SIDT2: variants seen among roughly 807,000 people sequenced by gnomAD.
SIDT2 encodes the protein SID1 transmembrane family, member 2.
Under a neutral mutation model 114.4 loss-of-function variants are expected in SIDT2, and 68 were observed. That is an observed-to-expected ratio of 0.59 (90% CI 0.49 to 0.73). SIDT2 has a LOEUF of 0.73. Among genes scored for constraint, SIDT2 ranks in the 30% least tolerant of loss-of-function variants. The probability of loss-of-function intolerance (pLI) is 0.00; values close to 1 mark genes in which losing one functional copy is unlikely to be tolerated. For synonymous variants in SIDT2, 470 were observed against 438.4 expected, an observed-to-expected ratio of 1.07 and a Z score of -0.90; for missense variants, 918 against 1,097.1, an observed-to-expected ratio of 0.84 and a Z score of 2.31.
In SIDT2 at chr11:117,188,731, A is replaced by T; in HGVS notation, c.1183A>T (p.Thr395Ser). 2 of 1,614,064 alleles carry T rather than the reference A, an allele frequency of 1.2e-6. No individual in the cohort carries two copies. The highest frequency in any genetic ancestry group is 1.7e-6 in the Non-Finnish European group (2 of 1,179,972). ...AGGCCGCTCCTTTGAACCTGTAGGT[A>T]CTCGGCCCCGAGTGGACTCCATGAG... ...YQGRSFEPVG[T>S]RPRVDSMSSV... is the part of the protein sequence containing the mutation. Residue 395 changes from threonine to serine, a missense_variant, in exon 13 of 26, where the codon ACT becomes TCT. Coordinates refer to ENST00000324225, the MANE Select transcript of SIDT2 (RefSeq NM_001040455.2). This position sits in a 1 kb window ranked among gnomAD's most constrained non-coding sequence, Gnocchi z 4.0.
chr11:117,182,357 A>T, intron 4 of SIDT2, 162 bp from the exon 5 acceptor site: 1 of 728,524 alleles, frequency 1.4e-6, no homozygotes, highest in Non-Finnish European at 2.3e-6. Flanking sequence ...TGGTATACAG[A>T]GAAAGGGGCT....
Position 117,179,235 on chromosome 11 carries a change from A to ACCGCTGCCACTG in SIDT2, c.-24_-13dup. Reference sequence around the variant, plus strand: ...TCCTGTCGCCGCCGCCGCCGCCACCACCGCTGCCACTGCCGCCCTGCCGGG... The same window carrying ACCGCTGCCACTG: ...TCCTGTCGCCGCCGCCGCCGCCACCACCGCTGCCACTGCCGCTGCCACTGCCGCCCTGCCGGG... On this transcript the variant is annotated 5_prime_UTR_variant, in exon 1 of 26. Coordinates refer to ENST00000324225, the MANE Select transcript of SIDT2 (RefSeq NM_001040455.2). 6.3e-7 allele frequency: 1 copy of ACCGCTGCCACTG among 1,596,870 alleles called. No homozygotes were observed.
intron 1 of SIDT2, among the ~76,000 whole-genome samples, chr11:117,180,618 C>T (rs1254595493): frequency 1.3e-5 from 2 of 148,666 alleles, no homozygotes; most frequent in African/African-American, 5.0e-5. Context: ...TCACTGCAAC[C>T]TCCGCCTTCC....
At chr11:117,193,022 G>T in intron 22 of SIDT2, 131 bp from the exon 23 acceptor site, 3 of 1,321,760 alleles carry the variant, frequency 2.3e-6, no homozygotes, top group Non-Finnish European at 3.3e-6. Context: ...CTTGGCATCT[G>T]GGCTTCTAGA....
rs773604740 is a variant in SIDT2, at chr11:117,182,509, G to A, written c.517-10G>A. On this transcript the variant is annotated splice_polypyrimidine_tract_variant and intron_variant, in intron 4 of 25. Coordinates refer to ENST00000324225, the MANE Select transcript of SIDT2 (RefSeq NM_001040455.2). ...GAGATGGGGCTCTCCCTTCCTTCCTGCACCCTCAGTACTTCAAGTATGAGT... is the reference window on the plus strand; with the variant it reads ...GAGATGGGGCTCTCCCTTCCTTCCTACACCCTCAGTACTTCAAGTATGAGT... 122 of 1,612,618 alleles carry A rather than the reference G, an allele frequency of 7.6e-5. 3 individuals carry two copies. In the East Asian group the frequency reaches 2.7e-3, roughly 36 times the overall value.
chr11:117,183,122 T>C (rs752136064), intron 6 of SIDT2, among the ~76,000 whole-genome samples: 4 of 152,146 alleles, frequency 2.6e-5, no homozygotes, highest in Non-Finnish European at 5.9e-5. Context: ...GGTGGGCGGA[T>C]CACCTGAGAT....
chr11:117,190,287 C>A lies in SIDT2; in HGVS notation c.1615C>A (p.Leu539Met). The change falls in exon 17 of 26, where the codon CTG (leucine) becomes ATG (methionine). Residue 539 changes from leucine (L) to methionine (M), a missense_variant and splice_region_variant. Physicochemically the swap from Leu to Met is conservative, Grantham distance 15. Coordinates refer to ENST00000324225, the MANE Select transcript of SIDT2 (RefSeq NM_001040455.2). The surrounding 1 kb of genome is among the most constrained non-coding windows in gnomAD (Gnocchi z 4.1). ...RALLRNDLCA[L>M]ECGIPKHFGL... ...CCTGCTGCGCAATGACCTCTGTGCC[C>A]TGGTAAGGGAGCACCTGCCTGCCTG... 1 of 1,531,612 alleles carries A rather than the reference C, an allele frequency of 6.5e-7. No homozygotes were observed. The highest frequency in any genetic ancestry group is 8.8e-7 in the Non-Finnish European group (1 of 1,141,148). 94.9% of individuals were successfully genotyped at this position (1,531,612 alleles called of 1,614,324 possible). A position where few individuals can be genotyped will look rare whatever the true frequency, so the allele number is the denominator to read the frequency against.
At position 117,186,338 on chromosome 11, in the gene SIDT2, T is replaced by C. The variant is rs551920204; in HGVS notation, c.962+115T>C. On this transcript the variant is annotated intron_variant, in intron 9 of 25. Transcript: ENST00000324225. ...GGTAATCTACACCATCCATAGCAGA[T>C]GATGGTGGGGCTGTTAGAGTCTGTG... 3 of 948,484 alleles carry C rather than the reference T, an allele frequency of 3.2e-6. No individual in the cohort carries two copies. In the South Asian group the frequency reaches 4.2e-5, roughly 13 times the overall value. 58.8% of individuals were successfully genotyped at this position (948,484 alleles called of 1,614,324 possible). A position where few individuals can be genotyped will look rare whatever the true frequency, so the allele number is the denominator to read the frequency against.
chr11:117,187,616 C>A lies in SIDT2; in HGVS notation c.1088-12C>A. On this transcript the variant is annotated splice_polypyrimidine_tract_variant and intron_variant, in intron 11 of 25. Coordinates refer to ENST00000324225, the MANE Select transcript of SIDT2 (RefSeq NM_001040455.2). Reference sequence around the variant, plus strand: ...CTCTCCTTCCTGCCTCACCACTGATCGTTCCCCACAGAGAATGTTTCTGGA... The same window carrying A: ...CTCTCCTTCCTGCCTCACCACTGATAGTTCCCCACAGAGAATGTTTCTGGA... 6.2e-7 allele frequency: 1 copy of A among 1,614,054 alleles called. No individual in the cohort carries two copies. Among genetic ancestry groups the A allele is most frequent in the Non-Finnish European group, 8.5e-7 (1 of 1,179,938 alleles).
In SIDT2 at chr11:117,188,615, T is replaced by A. The variant is rs1012210206; in HGVS notation, c.1160-93T>A. The A allele has an allele frequency of 2.6e-5, 26 of 993,416 alleles. No individual in the cohort carries two copies. The East Asian group carries it at 6.4e-4, about 24-fold the overall frequency. 61.5% of individuals were successfully genotyped at this position (993,416 alleles called of 1,614,324 possible). On this transcript the variant is annotated intron_variant, in intron 12 of 25. Transcript: ENST00000324225. The surrounding 1 kb of genome is among the most constrained non-coding windows in gnomAD (Gnocchi z 4.0). Reference sequence around the variant, plus strand: ...AGCCCACAATTTGCCTCTTCCCTACTGCCTAATAATTGTTACAATTGCCTC... The same window carrying A: ...AGCCCACAATTTGCCTCTTCCCTACAGCCTAATAATTGTTACAATTGCCTC...
rs1057092796 is a variant in SIDT2 at position 117,194,616 on chromosome 11, C to T, written c.2322+653C>T. 2.4e-4 allele frequency among the ~76,000 whole-genome samples: 36 copies of T among 152,266 alleles called. No individual in the cohort carries two copies. The East Asian group carries it at 4.1e-3, about 17-fold the overall frequency. ...GTCTCTGAGGGACTCATAAACTAGC[C>T]GAAGAGGGCTAGAAGGACTGTTGGT... On this transcript the variant is annotated intron_variant, in intron 24 of 25. Transcript: ENST00000324225.
Position 117,186,585 on chromosome 11 carries a change from CAGA to C in SIDT2, c.974_976del (p.Lys325del), listed in dbSNP as rs568971451. The C allele has an allele frequency of 1.0e-4, 156 of 1,562,750 alleles. 1 individual carries two copies. The East Asian group carries it at 1.9e-3, about 19-fold the overall frequency. The stretch of plus-strand genomic sequence containing the variant: ...GGCCTGTGGGTTCTGTCCATGCAGG[CAGA>C]AGAAGAAGACCCTGCTGGTGGCCAT... On this transcript the variant is annotated inframe_deletion and splice_region_variant, in exon 10 of 26. Transcript: ENST00000324225.
rs982032349 is a variant in SIDT2, at chr11:117,196,253, G to C, written c.*187G>C. On this transcript the variant is annotated 3_prime_UTR_variant, in exon 26 of 26. Coordinates refer to ENST00000324225, the MANE Select transcript of SIDT2 (RefSeq NM_001040455.2). The surrounding 1 kb of genome is among the most constrained non-coding windows in gnomAD (Gnocchi z 4.9). Reference sequence around the variant, plus strand: ...TGGGGTGGCATGGAACCTTGCAGCTGCCCTCTGCCGAGGAGCAGGCCTGCT... The same window carrying C: ...TGGGGTGGCATGGAACCTTGCAGCTCCCCTCTGCCGAGGAGCAGGCCTGCT... 10 of 731,892 alleles carry C rather than the reference G, an allele frequency of 1.4e-5. No homozygotes were observed. Among genetic ancestry groups the C allele is most frequent in the Admixed American group, 8.5e-5 (3 of 35,134 alleles). The allele number at this position is 731,892 out of a possible 1,614,324, so 45.3% of individuals were successfully genotyped here.
intron 24 of SIDT2, chr11:117,194,297 G>C: frequency 5.4e-6 from 1 of 184,998 alleles, no homozygotes; most frequent in Non-Finnish European, 1.1e-5. Context: ...TGGACGATAG[G>C]CCATGTCTCT....
At chr11:117,185,969 G>A in intron 8 of SIDT2, 161 bp from the exon 9 acceptor site, 1 of 590,064 alleles carries the variant, frequency 1.7e-6, no homozygotes, top group Admixed American at 3.0e-5. Flanking sequence ...GTGTATTAGA[G>A]GAACTGCCAG....
chr11:117,179,696 A>C, intron 1 of SIDT2: 1 of 487,658 alleles, frequency 2.1e-6, no homozygotes, highest in Non-Finnish European at 3.6e-6. Context: ...CCATTCTTCC[A>C]TCAGTTGTGG....
chr11:117,190,110 A>G lies in SIDT2; in HGVS notation c.1494-56A>G, dbSNP rs934863179. ...GGGCTTTGCAATGCCCACGTGGGCT[A>G]GGGAAGAGGCCTGGGTGTGAGTCCC... On this transcript the variant is annotated intron_variant, in intron 16 of 25. Transcript: ENST00000324225. This position sits in a 1 kb window ranked among gnomAD's most constrained non-coding sequence, Gnocchi z 4.1. 81 of 1,611,960 alleles carry G rather than the reference A, an allele frequency of 5.0e-5. No individual in the cohort carries two copies. The highest frequency in any genetic ancestry group is 6.8e-5 in the Non-Finnish European group (80 of 1,178,614).
chr11:117,190,397 T>G lies in SIDT2; in HGVS notation c.1617+108T>G. On this transcript the variant is annotated intron_variant, in intron 17 of 25. Transcript: ENST00000324225. The surrounding 1 kb of genome is among the most constrained non-coding windows in gnomAD (Gnocchi z 4.1). ...GGCCTGGCCCTGCCTTCCCCAGCTC[T>G]CCCCTCCCCAGTTCTGTCTGGCCCA... 1 of 1,476,908 alleles carries G rather than the reference T, an allele frequency of 6.8e-7. No homozygotes were observed. Among genetic ancestry groups the G allele is most frequent in the Non-Finnish European group, 9.0e-7 (1 of 1,111,582 alleles). 91.5% of individuals were successfully genotyped at this position (1,476,908 alleles called of 1,614,324 possible).
rs139168490 is a variant in SIDT2 at position 117,186,976 on chromosome 11, A to AC, written c.1015+342dup. On this transcript the variant is annotated intron_variant, in intron 10 of 25. Coordinates refer to ENST00000324225, the MANE Select transcript of SIDT2 (RefSeq NM_001040455.2). The stretch of plus-strand genomic sequence containing the variant: ...CTTTCTGTCCTCCCTCCTGCGTGGG[A>AC]CCTTCTCTCTTAGCTTCTCTCCTTG... The AC allele has an allele frequency of 1.1e-3, 1,624 of 1,460,938 alleles. 22 individuals carry two copies. The African/African-American group carries it at 0.019, about 17-fold the overall frequency. 90.5% of individuals were successfully genotyped at this position (1,460,938 alleles called of 1,614,324 possible).
Sources: gnomAD v4.1 joint callset for allele counts (sites outside exome capture counted in the v4.1 genomes callset) on GRCh38, gnomAD v4.1.1 for gene constraint, Gnocchi (gnomAD v3.1) non-coding constraint, MANE v1.5 for transcripts, NCBI Gene and HGNC (gene_info 2026-07-23, HGNC 2026-07-21) for gene names.